Variants in ADCYAP1R1 observed in about 807,000 individuals in gnomAD.
ADCYAP1R1 encodes the protein pituitary adenylate cyclase-activating polypeptide type I receptor.
In ADCYAP1R1, 44 loss-of-function variants were observed where a neutral mutation model predicts 67.6. The ratio of observed to expected loss-of-function variants is 0.65; its 90% CI spans 0.51 to 0.84. The LOEUF (loss-of-function observed/expected upper bound fraction) is 0.84. Ranked by LOEUF, ADCYAP1R1 falls within the 40% of genes least tolerant of loss-of-function variation. ADCYAP1R1 has a pLI of 0.00. For missense variants in ADCYAP1R1, 477 were observed against 587.9 expected, an observed-to-expected ratio of 0.81 and a Z score of 1.95; for synonymous variants, 222 against 219.6, an observed-to-expected ratio of 1.01 and a Z score of -0.10.
At chr7:31,101,885 G>A (rs193291107) in intron 13 of ADCYAP1R1, among the ~76,000 whole-genome samples, 2 of 152,348 alleles carry the variant, frequency 1.3e-5, no homozygotes, top group East Asian at 3.9e-4. Flanking sequence ...GGATCCTGGT[G>A]GCCCTTGTCT....
At chr7:31,077,785 G>T (rs1795333021) in intron 3 of ADCYAP1R1, among the ~76,000 whole-genome samples, 1 of 149,186 alleles carries the variant, frequency 6.7e-6, no homozygotes, top group African/African-American at 2.5e-5. Context: ...GTGTGTGTGT[G>T]TGATGTGTGC....
chr7:31,092,625 T>A lies in ADCYAP1R1; in HGVS notation c.955-19T>A. 1.3e-6 allele frequency: 2 copies of A among 1,586,930 alleles called. 1 individual carries two copies. The highest frequency in any genetic ancestry group is 1.7e-6 in the Non-Finnish European group (2 of 1,164,696). ...GCCCAGAATCATGTCCATCTGCTTT[T>A]TTTTTTTTTGCTCCTTAGGTTAACT... On this transcript the variant is annotated intron_variant, in intron 12 of 15. Coordinates refer to ENST00000304166, the MANE Select transcript of ADCYAP1R1 (RefSeq NM_001118.5).
intron 13 of ADCYAP1R1, among the ~76,000 whole-genome samples, chr7:31,095,962 G>A (rs1796177037): frequency 6.6e-6 from 1 of 152,196 alleles, no homozygotes. Flanking sequence ...GGCTGGGTCA[G>A]GGCTTAGCAT....
intron 15 of ADCYAP1R1, 90 bp from the exon 16 acceptor site, chr7:31,106,406 C>G: frequency 6.8e-7 from 1 of 1,470,182 alleles, no homozygotes; most frequent in Non-Finnish European, 9.1e-7. Context: ...GGTGGCACTG[C>G]CAGCCTGGGA....
At chr7:31,092,956 AAGAG>A (rs149079033) in intron 13 of ADCYAP1R1, among the ~76,000 whole-genome samples, 5 of 149,050 alleles carry the variant, frequency 3.4e-5, no homozygotes, top group Non-Finnish European at 4.5e-5. Flanking sequence ...GATGGGCAGG[AAGAG>A]AGAGAGAGAG....
At chr7:31,096,198 G>T (rs1796187794) in intron 13 of ADCYAP1R1, among the ~76,000 whole-genome samples, 1 of 152,164 alleles carries the variant, frequency 6.6e-6, no homozygotes, top group Non-Finnish European at 1.5e-5. Context: ...CATTCTAGGG[G>T]TCTCCTCCCT....
In ADCYAP1R1 at chr7:31,071,709, C is replaced by T. The variant is rs530366131; in HGVS notation, c.158-6282C>T. On this transcript the variant is annotated intron_variant, in intron 3 of 15. Coordinates refer to ENST00000304166, the MANE Select transcript of ADCYAP1R1 (RefSeq NM_001118.5). Reference sequence around the variant, plus strand: ...TTTTCTTCCCTGATCTTTGCTCTCTCACTAGAAAAACCATCCATGTCCGTG... The same window carrying T: ...TTTTCTTCCCTGATCTTTGCTCTCTTACTAGAAAAACCATCCATGTCCGTG... Among the ~76,000 whole-genome samples the T allele has an allele frequency of 1.8e-4, 28 of 152,304 alleles. No homozygotes were observed. The South Asian group carries it at 5.6e-3, about 31-fold the overall frequency.
At chr7:31,062,808 G>C (rs567359273) in intron 1 of ADCYAP1R1, among the ~76,000 whole-genome samples, 1 of 152,350 alleles carries the variant, frequency 6.6e-6, no homozygotes, top group East Asian at 1.9e-4. Flanking sequence ...CTCCAAGCAA[G>C]AGATACCAGG....
At chr7:31,072,271 C>A (rs547272988) in intron 3 of ADCYAP1R1, among the ~76,000 whole-genome samples, 1 of 152,156 alleles carries the variant, frequency 6.6e-6, no homozygotes, top group Non-Finnish European at 1.5e-5. Context: ...CATCTTGGAA[C>A]ACTGCTACCC....
rs529842006 is a variant in ADCYAP1R1, at chr7:31,107,548, C to G, written c.*864C>G. On this transcript the variant is annotated 3_prime_UTR_variant, in exon 16 of 16. Coordinates refer to ENST00000304166, the MANE Select transcript of ADCYAP1R1 (RefSeq NM_001118.5). ...TCTGGTCATCTCCCTTCCACCTCTT[C>G]CACCCTCATGGATGCCTTCCAGAAG... The G allele has an allele frequency of 1.3e-4, 20 of 152,430 alleles. No homozygotes were observed. Among genetic ancestry groups the G allele is most frequent in the African/African-American group, 4.8e-4 (20 of 41,564 alleles). 9.4% of individuals were successfully genotyped at this position (152,430 alleles called of 1,614,324 possible). A position where few individuals can be genotyped will look rare whatever the true frequency, so the allele number is the denominator to read the frequency against.
chr7:31,087,337 A>G (rs1318497990), intron 11 of ADCYAP1R1, among the ~76,000 whole-genome samples: 3 of 152,196 alleles, frequency 2.0e-5, no homozygotes, highest in Non-Finnish European at 4.4e-5. Flanking sequence ...TCTTATGGGG[A>G]AAAATGGTCC....
intron 15 of ADCYAP1R1, among the ~76,000 whole-genome samples, chr7:31,105,862 T>C (rs563186131): frequency 1.9e-4 from 29 of 152,310 alleles, no homozygotes; most frequent in African/African-American, 7.0e-4. Flanking sequence ...TTGTGCAGTC[T>C]GTGCACTGCA....
At chr7:31,082,621 G>A (rs1319197372) in intron 6 of ADCYAP1R1, among the ~76,000 whole-genome samples, 1 of 152,200 alleles carries the variant, frequency 6.6e-6, no homozygotes, top group East Asian at 1.9e-4. Context: ...ATTTCCCTGG[G>A]ACATTCAGAC....
At chr7:31,056,017 C>A (rs887393417) in intron 1 of ADCYAP1R1, among the ~76,000 whole-genome samples, 7 of 152,220 alleles carry the variant, frequency 4.6e-5, no homozygotes, top group Admixed American at 2.0e-4. Flanking sequence ...TCCTGAGCCC[C>A]CTTCACCATT....
Position 31,071,414 on chromosome 7 carries a change from G to T in ADCYAP1R1, c.157+6478G>T, listed in dbSNP as rs575215307. Among the ~76,000 whole-genome samples, 252 of 152,292 alleles carry T rather than the reference G, an allele frequency of 1.7e-3. 2 individuals are homozygous for T. Among genetic ancestry groups the T allele is most frequent in the Middle Eastern group, 3.4e-3 (1 of 294 alleles). On this transcript the variant is annotated intron_variant, in intron 3 of 15. Coordinates refer to ENST00000304166, the MANE Select transcript of ADCYAP1R1 (RefSeq NM_001118.5). ...CCTCTCCCCATGTCCCCCAGTGGGGGCCTATACACAGATGGAGCCATGAGG... is the reference window on the plus strand; with the variant it reads ...CCTCTCCCCATGTCCCCCAGTGGGGTCCTATACACAGATGGAGCCATGAGG...
chr7:31,052,772 T>C (rs1248156598), intron 1 of ADCYAP1R1, 94 bp downstream of exon 1: 1 of 152,194 alleles, frequency 6.6e-6, no homozygotes, highest in Non-Finnish European at 1.5e-5. Flanking sequence ...GATCCCCTCC[T>C]CTGGCTTGGC....
intron 1 of ADCYAP1R1, among the ~76,000 whole-genome samples, chr7:31,056,218 C>T (rs935976866): frequency 6.6e-6 from 1 of 152,222 alleles, no homozygotes; most frequent in Middle Eastern, 3.4e-3. Flanking sequence ...TCATAAAGGG[C>T]GGGTGCTGCC....
Position 31,084,772 on chromosome 7 carries a change from G to T in ADCYAP1R1, c.474G>T (p.Thr158=), listed in dbSNP as rs775319900. ...YYYLSVKALY[T]VGYSTSLVTL... is the part of the protein sequence containing the mutation. The stretch of plus-strand genomic sequence containing the variant: ...ACCTGTCAGTGAAGGCCCTCTACAC[G>T]GTTGGCTACAGCACATCCCTCGTCA... Residue 158 remains threonine (T), a synonymous_variant, in exon 8 of 16, where the codon ACG becomes ACT. Coordinates refer to ENST00000304166, the MANE Select transcript of ADCYAP1R1 (RefSeq NM_001118.5). 4 of 1,614,072 alleles carry T rather than the reference G, an allele frequency of 2.5e-6. No individual in the cohort carries two copies.
intron 1 of ADCYAP1R1, chr7:31,056,953 T>C (rs1265301414): frequency 1.3e-5 from 2 of 152,084 alleles, no homozygotes; most frequent in Non-Finnish European, 2.9e-5. Context: ...TGGGCACTCG[T>C]GTGTCTTGCC....
Sources: allele counts gnomAD v4.1 joint callset (sites outside exome capture counted in the v4.1 genomes callset), GRCh38; gene constraint gnomAD v4.1.1; transcripts MANE v1.5; gene names NCBI Gene and HGNC (gene_info 2026-07-23, HGNC 2026-07-21).